Variants in APH1A observed in about 807,000 individuals in gnomAD.
APH1A encodes the protein aph-1A gamma-secretase subunit, also known as gamma-secretase subunit APH-1A.
Under a neutral mutation model 30.3 loss-of-function variants are expected in APH1A, and 16 were observed. That is an observed-to-expected ratio of 0.53 (90% confidence interval 0.36 to 0.80). The LOEUF (loss-of-function observed/expected upper bound fraction) is 0.80. Ranked by LOEUF, APH1A falls within the 30% of genes least tolerant of loss-of-function variation. The pLI, the probability that APH1A is intolerant of heterozygous loss-of-function variation, is 0.01. For synonymous variants in APH1A, 144 were observed against 140.1 expected, an observed-to-expected ratio of 1.03 and a Z score of -0.20; for missense variants, 245 against 337.8, an observed-to-expected ratio of 0.73 and a Z score of 2.15.
Position 150,268,902 on chromosome 1 carries a change from G to A in APH1A, c.-92C>T. On this transcript the variant is annotated 5_prime_UTR_variant, in exon 1 of 7. Coordinates refer to ENST00000369109, the MANE Select transcript of APH1A (RefSeq NM_001077628.3). ...TGGGGAGTCCGCGTGGGGTGGCAAC[G>A]CGACCCCACGAGGGGCGCGGTGCAA... 1 of 1,143,140 alleles carries A rather than the reference G, an allele frequency of 8.7e-7. No individual in the cohort carries two copies. The highest frequency in any genetic ancestry group is 2.3e-5 in the Admixed American group (1 of 44,268). The allele number at this position is 1,143,140 out of a possible 1,614,324, so 70.8% of individuals were successfully genotyped here.
intron 5 of APH1A, 64 bp downstream of exon 5, chr1:150,267,011 C>T (rs587684271): frequency 1.9e-6 from 3 of 1,599,684 alleles, no homozygotes; most frequent in South Asian, 2.2e-5. Flanking sequence ...GATACCCTTT[C>T]CCCCACATCC....
Position 150,267,743 on chromosome 1 carries a change from GTGA to G in APH1A, c.328_330del (p.Ser110del), listed in dbSNP as rs1560034542. The G allele has an allele frequency of 6.2e-7, 1 of 1,609,956 alleles. No individual in the cohort carries two copies. ...TAGGCCATCTGGCGGATGGAGATGGGTGATCTTCCGTCCTCACTCAGCGATGCT... is the reference window on the plus strand; with the variant it reads ...TAGGCCATCTGGCGGATGGAGATGGGTCTTCCGTCCTCACTCAGCGATGCT... On this transcript the variant is annotated inframe_deletion, in exon 3 of 7. Coordinates refer to ENST00000369109, the MANE Select transcript of APH1A (RefSeq NM_001077628.3).
chr1:150,268,513 C>T, intron 1 of APH1A, 185 bp downstream of exon 1: 1 of 639,672 alleles, frequency 1.6e-6, no homozygotes, highest in South Asian at 1.9e-5. Flanking sequence ...CTGTGAGATC[C>T]TTGGAAGGTG....
Position 150,268,983 on chromosome 1 carries a change from G to T in APH1A, c.-173C>A, listed in dbSNP as rs201940610. The T allele has an allele frequency of 5.2e-6, 3 of 573,848 alleles. No homozygotes were observed. The African/African-American group carries it at 5.7e-5, about 11-fold the overall frequency. 35.5% of individuals were successfully genotyped at this position (573,848 alleles called of 1,614,324 possible). ...GGGGGGAACCGAAACCCCAAATGAA[G>T]GTCCGCGCCACTTCCTCTACGGAAG... On this transcript the variant is annotated 5_prime_UTR_variant, in exon 1 of 7. Coordinates refer to ENST00000369109, the MANE Select transcript of APH1A (RefSeq NM_001077628.3).
chr1:150,266,448 C>G (rs1651720101), intron 6 of APH1A, 85 bp downstream of exon 6: 3 of 1,592,164 alleles, frequency 1.9e-6, no homozygotes, highest in Non-Finnish European at 2.6e-6. Context: ...GGGCAATGGA[C>G]CCGGGCTGGG....
chr1:150,267,533 C>T, intron 3 of APH1A, 55 bp from the exon 4 acceptor site: 1 of 1,603,410 alleles, frequency 6.2e-7, no homozygotes, highest in Non-Finnish European at 8.5e-7. Context: ...GCCTGTTCAC[C>T]ACTGACCCCT....
chr1:150,266,681 AAG>A, intron 5 of APH1A, 25 bp from the exon 6 acceptor site: 1 of 1,612,712 alleles, frequency 6.2e-7, no homozygotes, highest in Non-Finnish European at 8.5e-7. Context: ...AAGAGTAGGA[AAG>A]AGATTAGATT....
Position 150,266,668 on chromosome 1 carries a change from G to A in APH1A, c.610-12C>T. 6.2e-7 allele frequency: 1 copy of A among 1,613,466 alleles called. No homozygotes were observed. The highest frequency in any genetic ancestry group is 8.5e-7 in the Non-Finnish European group (1 of 1,179,728). On this transcript the variant is annotated splice_polypyrimidine_tract_variant and intron_variant, in intron 5 of 6. Coordinates refer to ENST00000369109, the MANE Select transcript of APH1A (RefSeq NM_001077628.3). ...GGGTTCAGGAATGTCTAGGAAGGAG[G>A]GTAAGAGTAGGAAAGAGATTAGATT...
At position 150,267,696 on chromosome 1, in the gene APH1A, GTCCCTC is replaced by G. The variant is rs1651851973; in HGVS notation, c.358+14_358+19del. On this transcript the variant is annotated intron_variant, in intron 3 of 6. Transcript: ENST00000369109. ...GGGGGCTGTCCAACTCCCTCCTCCA[GTCCCTC>G]TCCCTTGGCTCACCATAGGCCATCT... The G allele has an allele frequency of 6.2e-7, 1 of 1,606,992 alleles. No individual in the cohort carries two copies. The highest frequency in any genetic ancestry group is 1.7e-5 in the Admixed American group (1 of 58,936).
chr1:150,267,179 G>A lies in APH1A; in HGVS notation c.505C>T (p.Leu169=). Residue 169 remains leucine (L), a synonymous_variant, in exon 5 of 7, where the codon CTG becomes TTG. Transcript: ENST00000369109. ...TSAFLTAAII[L]LHTFWGVVFF... ...ACAACTCCCCAAAAGGTATGGAGCA[G>A]GATAATGGCTGCTGTCAGAAAGGCT... The A allele has an allele frequency of 6.2e-7, 1 of 1,614,164 alleles. No homozygotes were observed. Among genetic ancestry groups the A allele is most frequent in the Non-Finnish European group, 8.5e-7 (1 of 1,180,032 alleles).
Position 150,267,468 on chromosome 1 carries a change from G to A in APH1A, c.369C>T (p.Leu123=). 6.2e-7 allele frequency: 1 copy of A among 1,614,136 alleles called. No individual in the cohort carries two copies. Among genetic ancestry groups the A allele is most frequent in the Non-Finnish European group, 8.5e-7 (1 of 1,180,008 alleles). The change falls in exon 4 of 7, where the codon CTC becomes CTT. Residue 123 remains leucine (L), a synonymous_variant. Coordinates refer to ENST00000369109, the MANE Select transcript of APH1A (RefSeq NM_001077628.3). ...SIRQMAYVSG[L]SFGIISGVFS... The stretch of plus-strand genomic sequence containing the variant: ...AGACACCACTGATGATACCGAAGGA[G>A]AGACCAGAAACTGGGGGAAGGGAGG...
intron 5 of APH1A, 139 bp downstream of exon 5, chr1:150,266,936 G>C: frequency 7.3e-7 from 1 of 1,370,688 alleles, no homozygotes; most frequent in South Asian, 1.4e-5. Context: ...ATGCTGAGGT[G>C]AGAGACCTTG....
At chr1:150,267,250 G>C in intron 4 of APH1A, 48 bp from the exon 5 acceptor site, 1 of 1,613,552 alleles carries the variant, frequency 6.2e-7, no homozygotes, top group Non-Finnish European at 8.5e-7. Context: ...TCTTCTCCCA[G>C]GCTCCTGAGA....
chr1:150,268,561 A>C, intron 1 of APH1A, 137 bp downstream of exon 1: 4 of 827,780 alleles, frequency 4.8e-6, no homozygotes, highest in Non-Finnish European at 7.7e-6. Flanking sequence ...TCCCAGACCC[A>C]ACCCCTCACC....
chr1:150,266,475 G>C (rs1553849911), intron 6 of APH1A, 58 bp downstream of exon 6: 1 of 1,611,076 alleles, frequency 6.2e-7, no homozygotes, highest in Admixed American at 1.7e-5. Flanking sequence ...CTCAGTCATG[G>C]GCAGTGGACA....
intron 2 of APH1A, 28 bp from the exon 3 acceptor site, chr1:150,267,817 T>A: frequency 6.2e-7 from 1 of 1,613,422 alleles, no homozygotes; most frequent in Non-Finnish European, 8.5e-7. Flanking sequence ...AGGGGAAACA[T>A]GAGGGAGGGC....
intron 6 of APH1A, 26 bp downstream of exon 6, chr1:150,266,507 G>A (rs370449855): frequency 8.1e-6 from 13 of 1,613,510 alleles, no homozygotes; most frequent in African/African-American, 5.3e-5. Flanking sequence ...TCTGTCAGGC[G>A]ATCAGTCCAG....
intron 1 of APH1A, chr1:150,268,386 C>T: frequency 3.3e-6 from 2 of 598,238 alleles, no homozygotes; most frequent in Non-Finnish European, 5.8e-6. Flanking sequence ...GGCGAGGTAT[C>T]CGTTCCTGGA....
At chr1:150,266,462 G>GGGCTC in intron 6 of APH1A, 71 bp downstream of exon 6, 1 of 1,603,556 alleles carries the variant, frequency 6.2e-7, no homozygotes, top group East Asian at 2.2e-5. Context: ...GGCTGGGGCT[G>GGGCTC]GGCTCAGTCA....
Sources: gnomAD v4.1 joint callset for allele counts on GRCh38, gnomAD v4.1.1 for gene constraint, MANE v1.5 for transcripts, NCBI Gene and HGNC (gene_info 2026-07-23, HGNC 2026-07-21) for gene names.